AK9: variants seen among roughly 807,000 people sequenced by gnomAD.
The protein encoded by AK9 is adenylate kinase domain containing 1.
In AK9, 191 loss-of-function variants were observed where a neutral mutation model predicts 239.6. That is an observed-to-expected ratio of 0.80 (90% CI 0.71 to 0.90). AK9 has a LOEUF of 0.90. Ranked by LOEUF, AK9 falls within the 40% of genes least tolerant of loss-of-function variation. The pLI, the probability that AK9 is intolerant of heterozygous loss-of-function variation, is 0.00. For missense variants in AK9, 1,995 were observed against 2,214.7 expected (o/e 0.90, Z 1.99); for synonymous variants, 689 against 721.0 (o/e 0.96, Z 0.71).
At position 109,509,268 on chromosome 6, in the gene AK9, C is replaced by A. The variant is rs1778434504; in HGVS notation, c.4392G>T (p.Trp1464Cys). Residue 1464 changes from tryptophan to cysteine, a missense_variant, in exon 33 of 41, where the codon TGG (tryptophan) becomes TGT (cysteine). Physicochemically the swap from Trp to Cys is radical, Grantham distance 215 (BLOSUM62 -2). Transcript: ENST00000424296. ...GTGCTGTCATTCCTTTATGAAGATG[C>A]CAATTTAACATAAGTGCCAGCTCTG... ...PETELALMLN[W>C]HLHKGMTAPD... is the part of the protein sequence containing the mutation. 6.4e-7 allele frequency: 1 copy of A among 1,551,800 alleles called. No individual in the cohort carries two copies. Among genetic ancestry groups the A allele is most frequent in the African/African-American group, 1.4e-5 (1 of 73,020 alleles).
At chr6:109,500,970 G>A (rs1777547814) in intron 35 of AK9, among the ~76,000 whole-genome samples, 1 of 151,516 alleles carries the variant, frequency 6.6e-6, no homozygotes. Context: ...GTAAGCCACT[G>A]CACTCCAGGC....
At chr6:109,621,275 C>T (rs866604985) in intron 12 of AK9, among the ~76,000 whole-genome samples, 23 of 77,066 alleles carry the variant, frequency 3.0e-4, no homozygotes, top group African/African-American at 1.1e-3. Context: ...GAAATAGGAA[C>T]ACTTTTACAC....
intron 9 of AK9, among the ~76,000 whole-genome samples, chr6:109,642,210 G>A (rs1797537344): frequency 6.6e-6 from 1 of 152,182 alleles, no homozygotes; most frequent in Non-Finnish European, 1.5e-5. Context: ...AGAACTGTGA[G>A]AGAATAAATA....
At chr6:109,611,969 C>A in intron 16 of AK9, 41 bp downstream of exon 16, 1 of 1,333,886 alleles carries the variant, frequency 7.5e-7, no homozygotes, top group Non-Finnish European at 1.0e-6. Flanking sequence ...TTTTTTAGAA[C>A]CACAATCTAA....
At chr6:109,656,200 A>G (rs1436963150) in intron 8 of AK9, among the ~76,000 whole-genome samples, 1 of 152,216 alleles carries the variant, frequency 6.6e-6, no homozygotes, top group African/African-American at 2.4e-5. Context: ...ACCATATAAA[A>G]TACGCTTTTC....
At chr6:109,688,118 C>A (rs1773782042) in intron 1 of AK9, among the ~76,000 whole-genome samples, 1 of 152,190 alleles carries the variant, frequency 6.6e-6, no homozygotes, top group African/African-American at 2.4e-5. Context: ...GCTGAATGTT[C>A]TACCTGTTCA....
intron 24 of AK9, chr6:109,550,551 G>C (rs1784239315): frequency 3.1e-6 from 1 of 317,508 alleles, no homozygotes; most frequent in African/African-American, 2.2e-5. Flanking sequence ...GGTGCCTCCA[G>C]TCCTCTACCA....
At chr6:109,629,447 C>A (rs951332546) in intron 12 of AK9, among the ~76,000 whole-genome samples, 1 of 151,968 alleles carries the variant, frequency 6.6e-6, no homozygotes, top group Non-Finnish European at 1.5e-5. Flanking sequence ...GTAAAATGGC[C>A]TTTCTTAGGG....
intron 13 of AK9, among the ~76,000 whole-genome samples, chr6:109,616,618 C>T (rs978423837): frequency 1.4e-4 from 21 of 151,974 alleles, no homozygotes; most frequent in African/African-American, 4.6e-4. Flanking sequence ...CTCAAGAGAT[C>T]GTCCCACTTT....
intron 2 of AK9, 119 bp from the exon 3 acceptor site, chr6:109,674,380 C>A: frequency 1.4e-6 from 1 of 699,624 alleles, no homozygotes; most frequent in South Asian, 3.3e-5. Flanking sequence ...ATAATTTTTC[C>A]CATAAAAAAT....
intron 17 of AK9, among the ~76,000 whole-genome samples, chr6:109,591,874 T>G (rs1002966343): frequency 2.0e-5 from 3 of 148,412 alleles, no homozygotes; most frequent in African/African-American, 4.9e-5. Context: ...AAAAAAAAAG[T>G]GCAGTTCACT....
chr6:109,533,762 T>A (rs1484483341), intron 27 of AK9, among the ~76,000 whole-genome samples: 1 of 152,116 alleles, frequency 6.6e-6, no homozygotes, highest in Non-Finnish European at 1.5e-5. Flanking sequence ...ATATATCAAG[T>A]TGGATTAAAA....
chr6:109,674,873 G>C (rs1397515722), intron 2 of AK9, among the ~76,000 whole-genome samples: 1 of 152,176 alleles, frequency 6.6e-6, no homozygotes, highest in African/African-American at 2.4e-5. Context: ...TCAAGGATGG[G>C]ATCCAGCTCT....
intron 9 of AK9, among the ~76,000 whole-genome samples, chr6:109,642,439 G>A (rs2128288914): frequency 6.6e-6 from 1 of 152,282 alleles, no homozygotes; most frequent in South Asian, 2.1e-4. Flanking sequence ...AGTTCATTCT[G>A]GGTGGAGTAC....
intron 5 of AK9, among the ~76,000 whole-genome samples, chr6:109,671,047 T>C (rs766486357): frequency 6.6e-6 from 1 of 152,166 alleles, no homozygotes; most frequent in Non-Finnish European, 1.5e-5. Context: ...CATCTCTCTA[T>C]ACACATGAGC....
chr6:109,658,615 C>A (rs932269657), intron 7 of AK9, among the ~76,000 whole-genome samples: 9 of 152,012 alleles, frequency 5.9e-5, no homozygotes, highest in South Asian at 2.1e-4. Flanking sequence ...TAGAACATGT[C>A]ATTCTCAGAA....
chr6:109,614,143 T>G, intron 15 of AK9, 40 bp downstream of exon 15: 4,688 of 1,435,198 alleles, frequency 3.3e-3, no homozygotes, highest in Non-Finnish European at 4.1e-3. Flanking sequence ...TAAATGAAAA[T>G]GAGATCCACA....
In AK9 at chr6:109,550,189, G is replaced by C. The variant is rs138836954; in HGVS notation, c.2865C>G (p.Ala955=). 5 of 1,613,554 alleles carry C rather than the reference G, an allele frequency of 3.1e-6. No individual in the cohort carries two copies. The African/African-American group carries it at 6.7e-5, about 22-fold the overall frequency. The part of the protein sequence containing the change: ...ILQPGNTEEA[A]KYREKIYYFS... ...AGTAGTAGATCTTTTCTCGATACTT[G>C]GCTGCTTCTTCTGTGTTTCCTGGTT... Residue 955 remains alanine, a synonymous_variant, in exon 25 of 41, where the codon GCC becomes GCG. Coordinates refer to ENST00000424296, the MANE Select transcript of AK9 (RefSeq NM_001145128.3).
intron 3 of AK9, among the ~76,000 whole-genome samples, chr6:109,673,363 G>C (rs1409959094): frequency 6.6e-6 from 1 of 152,102 alleles, no homozygotes; most frequent in Non-Finnish European, 1.5e-5. Context: ...CTGCCAATTT[G>C]ATAGGCAAAT....
Sources: allele counts gnomAD v4.1 joint callset (sites outside exome capture counted in the v4.1 genomes callset), GRCh38; gene constraint gnomAD v4.1.1; transcripts MANE v1.5; gene names NCBI Gene and HGNC (gene_info 2026-07-23, HGNC 2026-07-21).